The following CTNND2 variants were observed in gnomAD, a reference collection of about 807,000 sequenced individuals.
CTNND2 encodes the protein catenin delta-2.
Under a neutral mutation model 144.4 loss-of-function variants are expected in CTNND2, and 22 were observed. The observed-to-expected ratio is 0.15, with a 90% CI of 0.11 to 0.22. The LOEUF is 0.22. CTNND2 is among the 10% of genes least tolerant of loss of function. The probability of loss-of-function intolerance (pLI) is 1.00; values close to 1 mark genes in which losing one functional copy is unlikely to be tolerated. For missense variants in CTNND2, 1,353 were observed against 1,618.8 expected, an observed-to-expected ratio of 0.84 and a Z score of 2.82; for synonymous variants, 751 against 695.6, an observed-to-expected ratio of 1.08 and a Z score of -1.25.
At chr5:11,822,631 A>C (rs1793376534) in intron 1 of CTNND2, among the ~76,000 whole-genome samples, 1 of 152,150 alleles carries the variant, frequency 6.6e-6, no homozygotes, top group African/African-American at 2.4e-5. Context: ...CCATATTGAT[A>C]GTAGTCCCTC....
At chr5:11,134,523 C>T (rs1238125390) in intron 12 of CTNND2, among the ~76,000 whole-genome samples, 1 of 152,174 alleles carries the variant, frequency 6.6e-6, no homozygotes, top group Non-Finnish European at 1.5e-5. Flanking sequence ...CTACTATATT[C>T]ACATAAGATA....
intron 15 of CTNND2, among the ~76,000 whole-genome samples, chr5:11,084,420 C>G (rs1457443919): frequency 6.6e-6 from 1 of 152,208 alleles, no homozygotes; most frequent in African/African-American, 2.4e-5. Context: ...CTTGGAAAAG[C>G]CTGGAAATCT....
At chr5:11,616,040 GA>G (rs1780563282) in intron 2 of CTNND2, among the ~76,000 whole-genome samples, 1 of 152,140 alleles carries the variant, frequency 6.6e-6, no homozygotes. Flanking sequence ...TTCTATTTCT[GA>G]CTTCTCTCTC....
chr5:11,523,713 C>T (rs1561511640), intron 3 of CTNND2, among the ~76,000 whole-genome samples: 1 of 152,180 alleles, frequency 6.6e-6, no homozygotes, highest in African/African-American at 2.4e-5. Context: ...GGACTTCCTG[C>T]ACCTGCTCTT....
At chr5:11,879,705 G>A (rs535555777) in intron 1 of CTNND2, among the ~76,000 whole-genome samples, 24 of 152,058 alleles carry the variant, frequency 1.6e-4, no homozygotes, top group Non-Finnish European at 3.1e-4. Flanking sequence ...CTATAGGTTC[G>A]CAAAGAGTAG....
chr5:11,427,052 A>C (rs1260345760), intron 3 of CTNND2, among the ~76,000 whole-genome samples: 1 of 152,204 alleles, frequency 6.6e-6, no homozygotes, highest in East Asian at 1.9e-4. Flanking sequence ...TTCTGCAAAC[A>C]AGTTAAATGC....
chr5:11,870,132 G>C (rs1013400493), intron 1 of CTNND2, among the ~76,000 whole-genome samples: 2 of 152,176 alleles, frequency 1.3e-5, no homozygotes, highest in African/African-American at 4.8e-5. Context: ...ATAGCACTGC[G>C]ATAGGGGTTG....
intron 6 of CTNND2, among the ~76,000 whole-genome samples, chr5:11,396,296 G>T (rs910118317): frequency 6.6e-6 from 1 of 151,872 alleles, no homozygotes; most frequent in Non-Finnish European, 1.5e-5. Context: ...ACTCTGGTGG[G>T]TACCTCAAAA....
chr5:11,581,948 C>A (rs1013781501), intron 2 of CTNND2, among the ~76,000 whole-genome samples: 8 of 152,084 alleles, frequency 5.3e-5, no homozygotes, highest in Non-Finnish European at 7.3e-5. Flanking sequence ...AATGTTAGTA[C>A]AGTAGTATTT....
At chr5:11,178,716 GT>G (rs1760717052) in intron 11 of CTNND2, among the ~76,000 whole-genome samples, 1 of 152,140 alleles carries the variant, frequency 6.6e-6, no homozygotes, top group African/African-American at 2.4e-5. Context: ...GAAATTTATG[GT>G]ATATAAATGG....
intron 2 of CTNND2, among the ~76,000 whole-genome samples, chr5:11,636,655 A>G (rs1018050904): frequency 2.6e-5 from 4 of 152,182 alleles, no homozygotes; most frequent in Non-Finnish European, 4.4e-5. Context: ...GCTGTTAATC[A>G]AAGGAAATCA....
chr5:11,201,002 C>A (rs1168870059), intron 10 of CTNND2, among the ~76,000 whole-genome samples: 3 of 122,386 alleles, frequency 2.5e-5, no homozygotes, highest in Non-Finnish European at 5.2e-5. Context: ...TTCAGTAGTG[C>A]CCAAGTGCTG....
chr5:11,214,609 A>T (rs977262718), intron 10 of CTNND2, among the ~76,000 whole-genome samples: 1 of 152,204 alleles, frequency 6.6e-6, no homozygotes, highest in East Asian at 1.9e-4. Flanking sequence ...GATCATGTTG[A>T]TCACTGCTCA....
rs567199570 is a variant in CTNND2 at position 11,659,162 on chromosome 5, C to T, written c.174+72974G>A. Among the ~76,000 whole-genome samples the T allele has an allele frequency of 9.2e-5, 14 of 151,976 alleles. No individual in the cohort carries two copies. In the South Asian group the frequency reaches 2.7e-3, roughly 29 times the overall value. ...TAAAAATAAAACAATACAAATAATACAAGTAAGAAACAATACATTATAACA... is the reference window on the plus strand; with the variant it reads ...TAAAAATAAAACAATACAAATAATATAAGTAAGAAACAATACATTATAACA... On this transcript the variant is annotated intron_variant, in intron 2 of 21. Transcript: ENST00000304623.
chr5:11,286,751 G>A (rs957300992), intron 9 of CTNND2, among the ~76,000 whole-genome samples: 2 of 152,138 alleles, frequency 1.3e-5, no homozygotes, highest in African/African-American at 2.4e-5. Flanking sequence ...GTATAAAATG[G>A]GCCCAAGCAT....
intron 2 of CTNND2, among the ~76,000 whole-genome samples, chr5:11,632,306 C>A (rs933935078): frequency 2.0e-5 from 3 of 152,092 alleles, no homozygotes; most frequent in Non-Finnish European, 4.4e-5. Flanking sequence ...AGTGAGACAG[C>A]CTAGCTAAAA....
At chr5:11,650,150 C>G (rs931180223) in intron 2 of CTNND2, among the ~76,000 whole-genome samples, 1 of 152,084 alleles carries the variant, frequency 6.6e-6, no homozygotes, top group Non-Finnish European at 1.5e-5. Context: ...GGTGATTTCC[C>G]CCTTGCAGTT....
At chr5:11,467,511 T>C (rs1766794000) in intron 3 of CTNND2, among the ~76,000 whole-genome samples, 1 of 152,252 alleles carries the variant, frequency 6.6e-6, no homozygotes, top group Non-Finnish European at 1.5e-5. Context: ...GAATATTCAA[T>C]GAGTGTCAAG....
At chr5:11,546,488 A>T (rs1775245984) in intron 3 of CTNND2, among the ~76,000 whole-genome samples, 1 of 152,198 alleles carries the variant, frequency 6.6e-6, no homozygotes, top group Non-Finnish European at 1.5e-5. Context: ...AACCCTAAAG[A>T]AGTCTACAAA....
Sources: gnomAD v4.1 joint callset for allele counts (sites outside exome capture counted in the v4.1 genomes callset) on GRCh38, gnomAD v4.1.1 for gene constraint, MANE v1.5 for transcripts, NCBI Gene and HGNC (gene_info 2026-07-23, HGNC 2026-07-21) for gene names.